NLRC5: variants seen among roughly 807,000 people sequenced by gnomAD.
NLRC5 encodes protein NLRC5.
In NLRC5, 114 loss-of-function variants were observed where a neutral mutation model predicts 206.9. The ratio of observed to expected loss-of-function variants is 0.55; its 90% CI spans 0.47 to 0.64. The LOEUF is 0.64. Among genes scored for constraint, NLRC5 ranks in the 30% least tolerant of loss-of-function variants. The pLI is 0.00. For missense variants in NLRC5, 2,008 were observed against 2,305.5 expected (o/e 0.87, Z 2.64); for synonymous variants, 952 against 962.8 (o/e 0.99, Z 0.21).
At position 57,040,637 on chromosome 16, in the gene NLRC5, G is replaced by T. The variant is rs772353016; in HGVS notation, c.2871-13G>T. The T allele has an allele frequency of 6.2e-7, 1 of 1,613,994 alleles. No homozygotes were observed. The highest frequency in any genetic ancestry group is 8.5e-7 in the Non-Finnish European group (1 of 1,179,856). Reference sequence around the variant, plus strand: ...GGCCTTTGCTCAGCCTGGCCTTGGTGATGTCCCTCCAGGGCTGCATTTCTT... The same window carrying T: ...GGCCTTTGCTCAGCCTGGCCTTGGTTATGTCCCTCCAGGGCTGCATTTCTT... On this transcript the variant is annotated splice_polypyrimidine_tract_variant and intron_variant, in intron 16 of 48. Transcript: ENST00000688547.
intron 44 of NLRC5, 22 bp downstream of exon 44, chr16:57,079,155 C>T: frequency 6.2e-7 from 1 of 1,614,064 alleles, no homozygotes; most frequent in Non-Finnish European, 8.5e-7. Flanking sequence ...CTGCCCAGCC[C>T]AGGCACGGGG....
At chr16:57,081,317 C>G in intron 47 of NLRC5, 136 bp downstream of exon 47, 1 of 962,028 alleles carries the variant, frequency 1.0e-6, no homozygotes, top group Non-Finnish European at 1.5e-6. Flanking sequence ...TGTTCCAAGC[C>G]CCTGCCAGGC....
chr16:57,053,586 T>C (rs1341711005), intron 24 of NLRC5, among the ~76,000 whole-genome samples: 1 of 152,156 alleles, frequency 6.6e-6, no homozygotes, highest in Non-Finnish European at 1.5e-5. Flanking sequence ...TGGAGTGCAA[T>C]GGCGCAATCT....
At position 57,041,925 on chromosome 16, in the gene NLRC5, G is replaced by C. The variant is rs1190307658; in HGVS notation, c.3030-57G>C. 16 of 1,211,734 alleles carry C rather than the reference G, an allele frequency of 1.3e-5. No homozygotes were observed. In the African/African-American group the frequency reaches 1.7e-4, roughly 13 times the overall value. 75.1% of individuals were successfully genotyped at this position (1,211,734 alleles called of 1,614,324 possible). On this transcript the variant is annotated intron_variant, in intron 18 of 48. Coordinates refer to ENST00000688547, the MANE Select transcript of NLRC5 (RefSeq NM_001384950.1). ...GTAACTGGAATGCAGGGACCATGCT[G>C]CCAGCAACCCACTCCCCACCTGCTA...
rs2064917306 is a variant in NLRC5, at chr16:57,051,641, T to A, written c.3506+20T>A. 6.3e-7 allele frequency: 1 copy of A among 1,596,096 alleles called. No homozygotes were observed. Among genetic ancestry groups the A allele is most frequent in the East Asian group, 2.2e-5 (1 of 44,780 alleles). On this transcript the variant is annotated intron_variant, in intron 24 of 48. Coordinates refer to ENST00000688547, the MANE Select transcript of NLRC5 (RefSeq NM_001384950.1). ...GCTGCAGTAAGACGAGAGTTTTTCC[T>A]ATTTCCCGGTTCCTTGTGCTCGTGT...
chr16:57,034,230 GC>G lies in NLRC5; in HGVS notation c.2609del (p.Pro870LeufsTer20). The G allele has an allele frequency of 6.2e-7, 1 of 1,613,194 alleles. No individual in the cohort carries two copies. Among genetic ancestry groups the G allele is most frequent in the Non-Finnish European group, 8.5e-7 (1 of 1,179,464 alleles). Reference protein sequence around the residue: ...AEALIALLQEGPHLEEVDLSG... With the variant: ...AEALIALLQEXPHLEEVDLSG... Reference sequence around the variant, plus strand: ...GCCCTCATAGCCCTGCTCCAGGAAGGCCCTCACCTGGAGGAAGTGGAGTGAG... The same window carrying G: ...GCCCTCATAGCCCTGCTCCAGGAAGGCCTCACCTGGAGGAAGTGGAGTGAG... On this transcript the variant is annotated frameshift_variant, in exon 13 of 49. Transcript: ENST00000688547. LOFTEE classifies it high-confidence loss of function.
chr16:57,042,554 A>G (rs11867149), intron 19 of NLRC5, among the ~76,000 whole-genome samples: 12,975 of 152,188 alleles, frequency 0.085, 1,102 homozygotes, highest in African/African-American at 0.22. Context: ...TTTGCCTGCA[A>G]TGGACCAGAG....
rs1307554345 is a variant in NLRC5 at position 57,055,517 on chromosome 16, G to A, written c.3744G>A (p.Val1248=). ...LLSKCKDLSQ[V]DLSANLLGDS... is the part of the protein sequence containing the mutation. ...GCAAGTGTAAAGACCTCAGCCAGGTGGAGTAAGTTGAGGGAGGAGGAGGAA... is the reference window on the plus strand; with the variant it reads ...GCAAGTGTAAAGACCTCAGCCAGGTAGAGTAAGTTGAGGGAGGAGGAGGAA... The change falls in exon 27 of 49, where the codon GTG becomes GTA. Residue 1248 remains valine (V), a splice_region_variant and synonymous_variant. Coordinates refer to ENST00000688547, the MANE Select transcript of NLRC5 (RefSeq NM_001384950.1). The A allele has an allele frequency of 6.2e-7, 1 of 1,612,670 alleles. No homozygotes were observed. Among genetic ancestry groups the A allele is most frequent in the Non-Finnish European group, 8.5e-7 (1 of 1,179,104 alleles).
intron 23 of NLRC5, among the ~76,000 whole-genome samples, chr16:57,049,413 C>G (rs938614934): frequency 3.9e-5 from 6 of 152,148 alleles, no homozygotes; most frequent in Non-Finnish European, 8.8e-5. Flanking sequence ...CTGGCCAAGG[C>G]AAATCATCTG....
At chr16:57,054,943 G>T in intron 25 of NLRC5, 89 bp from the exon 26 acceptor site, 1 of 1,589,414 alleles carries the variant, frequency 6.3e-7, no homozygotes, top group South Asian at 1.1e-5. Context: ...CCAACTAGAG[G>T]CTGGGCTTCC....
At chr16:57,068,861 T>C (rs549437125) in intron 36 of NLRC5, among the ~76,000 whole-genome samples, 2 of 152,388 alleles carry the variant, frequency 1.3e-5, no homozygotes, top group African/African-American at 4.8e-5. Flanking sequence ...TTGTCTTTCA[T>C]AGCATTGTCT....
intron 3 of NLRC5, among the ~76,000 whole-genome samples, chr16:57,021,751 C>T (rs539685942): frequency 9.2e-5 from 14 of 152,244 alleles, no homozygotes; most frequent in African/African-American, 2.9e-4. Flanking sequence ...TCTACTGATC[C>T]GTGGGGATTT....
rs35838664 is a variant in NLRC5, at chr16:57,032,833, C to CAA, written c.2478-756_2478-755dup. ...CAACAAAGTGAGACCCCCATCTCTA[C>CAA]AAAAAAAAAAAAAAAATAGCTGGGC... On this transcript the variant is annotated intron_variant, in intron 11 of 48. Coordinates refer to ENST00000688547, the MANE Select transcript of NLRC5 (RefSeq NM_001384950.1). Among the ~76,000 whole-genome samples, 3,961 of 119,226 alleles carry CAA rather than the reference C, an allele frequency of 0.033. 463 individuals are homozygous for CAA. In the East Asian group the frequency reaches 0.42, roughly 13 times the overall value. The allele number at this position is 119,226 out of a possible 152,430, so 78.2% of individuals were successfully genotyped here.
At chr16:57,046,851 C>A (rs770971775) in intron 22 of NLRC5, among the ~76,000 whole-genome samples, 7 of 152,194 alleles carry the variant, frequency 4.6e-5, no homozygotes, top group Non-Finnish European at 1.0e-4. Context: ...GGCCCATGCC[C>A]CGCATTCTCC....
At chr16:57,015,247 G>A (rs74494656) in intron 1 of NLRC5, among the ~76,000 whole-genome samples, 1 of 152,188 alleles carries the variant, frequency 6.6e-6, no homozygotes, top group South Asian at 2.1e-4. Context: ...CTTCTTGTGA[G>A]GGCAGTAATC....
chr16:57,046,135 G>A (rs1769535792), intron 21 of NLRC5, among the ~76,000 whole-genome samples: 2 of 152,196 alleles, frequency 1.3e-5, no homozygotes, highest in Admixed American at 1.3e-4. Flanking sequence ...AAGCCTGGGT[G>A]GTCTTGCTTC....
intron 48 of NLRC5, 51 bp downstream of exon 48, chr16:57,081,661 C>T: frequency 6.6e-7 from 1 of 1,505,606 alleles, no homozygotes; most frequent in Non-Finnish European, 9.2e-7. Context: ...CTACACCAAC[C>T]CCCAGATCTA....
At chr16:57,040,863 CCCTACCT>C in intron 17 of NLRC5, 145 bp downstream of exon 17, 1 of 768,754 alleles carries the variant, frequency 1.3e-6, no homozygotes, top group Non-Finnish European at 2.2e-6. Flanking sequence ...GGCCTGGCTT[CCCTACCT>C]CCTACCTCCC....
intron 32 of NLRC5, chr16:57,062,767 A>T (rs1367298474): frequency 6.6e-6 from 1 of 152,414 alleles, no homozygotes; most frequent in Non-Finnish European, 1.5e-5. Flanking sequence ...TAAAATACAC[A>T]TAACAAAATT....
Sources: gnomAD v4.1 joint callset for allele counts (sites outside exome capture counted in the v4.1 genomes callset) on GRCh38, gnomAD v4.1.1 for gene constraint, MANE v1.5 for transcripts, NCBI Gene and HGNC (gene_info 2026-07-23, HGNC 2026-07-21) for gene names.